C1orf21: variants seen among roughly 807,000 people sequenced by gnomAD.
C1orf21 encodes the protein chromosome 1 open reading frame 21.
In C1orf21, 3 loss-of-function variants were observed where a neutral mutation model predicts 18.7. The ratio of observed to expected loss-of-function variants is 0.16; its 90% confidence interval spans 0.07 to 0.42. The LOEUF is 0.42. Ranked by LOEUF, C1orf21 falls within the 10% of genes least tolerant of loss-of-function variation. The pLI, the probability that C1orf21 is intolerant of heterozygous loss-of-function variation, is 0.99. For missense variants in C1orf21, 104 were observed against 143.6 expected, an observed-to-expected ratio of 0.72 and a Z score of 1.41; for synonymous variants, 41 against 46.4, an observed-to-expected ratio of 0.88 and a Z score of 0.47.
chr1:184,541,603 C>T (rs1397015071), intron 3 of C1orf21, among the ~76,000 whole-genome samples: 3 of 152,272 alleles, frequency 2.0e-5, no homozygotes, highest in South Asian at 2.1e-4. Flanking sequence ...TAAATATTTA[C>T]GAAGAGATCT....
In C1orf21 at chr1:184,520,492, A is replaced by G. The variant is rs531882654; in HGVS notation, c.189+12810A>G. On this transcript the variant is annotated intron_variant, in intron 3 of 5. Transcript: ENST00000235307. ...TTGCTTCTCCTGAGTATGAGGCACA[A>G]TGAAACCTAAAGGAACAGCAGGGAA... Among the ~76,000 whole-genome samples, 11 of 152,320 alleles carry G rather than the reference A, an allele frequency of 7.2e-5. No homozygotes were observed. The South Asian group carries it at 2.3e-3, about 32-fold the overall frequency.
intron 3 of C1orf21, among the ~76,000 whole-genome samples, chr1:184,518,208 G>A (rs781682109): frequency 4.6e-5 from 7 of 152,184 alleles, no homozygotes; most frequent in Non-Finnish European, 1.0e-4. Flanking sequence ...CTCTAAGGAT[G>A]AGAGATTTAT....
intron 1 of C1orf21, among the ~76,000 whole-genome samples, chr1:184,418,252 T>C (rs1656489723): frequency 6.6e-6 from 1 of 151,976 alleles, no homozygotes; most frequent in African/African-American, 2.4e-5. Context: ...AGGGTCTTAC[T>C]CTGTCTCCCA....
chr1:184,503,458 C>G (rs1448983010), intron 2 of C1orf21, among the ~76,000 whole-genome samples: 1 of 151,966 alleles, frequency 6.6e-6, no homozygotes, highest in African/African-American at 2.4e-5. Context: ...TTAGTCTTCC[C>G]CTCAAGACAG....
chr1:184,609,199 T>C (rs567360557), intron 5 of C1orf21, among the ~76,000 whole-genome samples: 12 of 152,188 alleles, frequency 7.9e-5, no homozygotes, highest in Non-Finnish European at 1.5e-4. Context: ...TTTCTCCACA[T>C]GTGACTGGAT....
chr1:184,417,098 C>G (rs1232525444), intron 1 of C1orf21, among the ~76,000 whole-genome samples: 1 of 151,908 alleles, frequency 6.6e-6, no homozygotes, highest in Non-Finnish European at 1.5e-5. Context: ...TGTGTAAATT[C>G]CAGGTGATTT....
intron 3 of C1orf21, chr1:184,539,954 T>TGACC (rs1658621914): frequency 2.0e-5 from 3 of 152,218 alleles, no homozygotes; most frequent in Admixed American, 6.5e-5. Flanking sequence ...CACGGAGCAG[T>TGACC]GACCCTGCTG....
intron 1 of C1orf21, among the ~76,000 whole-genome samples, chr1:184,418,459 C>G (rs889290879): frequency 1.3e-5 from 2 of 152,202 alleles, no homozygotes; most frequent in Non-Finnish European, 2.9e-5. Context: ...AGCAATCTAC[C>G]TGCCTTGGCC....
rs559559534 is a variant in C1orf21 at position 184,514,056 on chromosome 1, G to A, written c.189+6374G>A. Reference sequence around the variant, plus strand: ...TCATGCCTATAATTCCAGCACTTTAGGAGGCCAAAGTGGGAGGATCACTTG... The same window carrying A: ...TCATGCCTATAATTCCAGCACTTTAAGAGGCCAAAGTGGGAGGATCACTTG... On this transcript the variant is annotated intron_variant, in intron 3 of 5. Transcript: ENST00000235307. Among the ~76,000 whole-genome samples the A allele has an allele frequency of 1.7e-4, 26 of 152,326 alleles. No homozygotes were observed. In the South Asian group the frequency reaches 5.4e-3, roughly 32 times the overall value.
chr1:184,497,469 G>A (rs1432984966), intron 2 of C1orf21, among the ~76,000 whole-genome samples: 4 of 152,220 alleles, frequency 2.6e-5, no homozygotes, highest in African/African-American at 4.8e-5. Context: ...CTGCCTCCCC[G>A]CGTGCACACA....
chr1:184,573,495 A>G (rs1659143313), intron 3 of C1orf21, among the ~76,000 whole-genome samples: 1 of 152,254 alleles, frequency 6.6e-6, no homozygotes, highest in Admixed American at 6.5e-5. Flanking sequence ...GATGATTCAG[A>G]CAATTCTGAT....
chr1:184,544,855 AT>A (rs1658706588), intron 3 of C1orf21, among the ~76,000 whole-genome samples: 2 of 152,148 alleles, frequency 1.3e-5, no homozygotes, highest in South Asian at 4.1e-4. Context: ...AAGCACACTC[AT>A]GTTTGCTGTT....
intron 3 of C1orf21, among the ~76,000 whole-genome samples, chr1:184,583,247 TTGAC>T (rs1196692357): frequency 1.3e-5 from 2 of 152,194 alleles, no homozygotes; most frequent in African/African-American, 4.8e-5. Context: ...TATAGTGAGT[TTGAC>T]TGTCTTCAGC....
Position 184,522,716 on chromosome 1 carries a change from C to T in C1orf21, c.189+15034C>T, listed in dbSNP as rs542076312. ...TGTATTTATTTTTGAGACAGAGTCTCACTCCGATTTGCCCAGGCTGGAGTG... is the reference window on the plus strand; with the variant it reads ...TGTATTTATTTTTGAGACAGAGTCTTACTCCGATTTGCCCAGGCTGGAGTG... On this transcript the variant is annotated intron_variant, in intron 3 of 5. Transcript: ENST00000235307. 1.9e-3 allele frequency among the ~76,000 whole-genome samples: 291 copies of T among 152,320 alleles called. 1 individual carries two copies. Among genetic ancestry groups the T allele is most frequent in the Admixed American group, 5.6e-3 (86 of 15,296 alleles).
intron 1 of C1orf21, among the ~76,000 whole-genome samples, chr1:184,432,965 A>G (rs1158204358): frequency 6.6e-6 from 1 of 152,232 alleles, no homozygotes; most frequent in Admixed American, 6.5e-5. Context: ...AATTTTTGAC[A>G]CCAAAATTCA....
chr1:184,583,021 T>TA (rs1032247549), intron 3 of C1orf21, among the ~76,000 whole-genome samples: 2 of 152,246 alleles, frequency 1.3e-5, no homozygotes, highest in African/African-American at 4.8e-5. Flanking sequence ...GTATTTTTAG[T>TA]AGAGGAGGGA....
chr1:184,449,234 G>A (rs985816472), intron 1 of C1orf21, among the ~76,000 whole-genome samples: 4 of 131,470 alleles, frequency 3.0e-5, no homozygotes, highest in African/African-American at 8.7e-5. Flanking sequence ...GGTGTGTGAT[G>A]TCCCCCTTCC....
At chr1:184,609,254 G>T (rs1659693196) in intron 5 of C1orf21, among the ~76,000 whole-genome samples, 1 of 152,192 alleles carries the variant, frequency 6.6e-6, no homozygotes, top group Admixed American at 6.5e-5. Flanking sequence ...TGAGGCAAGG[G>T]ACTAATGGGG....
At position 184,526,898 on chromosome 1, in the gene C1orf21, C is replaced by T. The variant is rs193115777; in HGVS notation, c.189+19216C>T. ...GGTTCTGGGTATTATAAGTAAAACC[C>T]GCAGTCCCGTCCTTAAGGGGCTCAC... On this transcript the variant is annotated intron_variant, in intron 3 of 5. Coordinates refer to ENST00000235307, the MANE Select transcript of C1orf21 (RefSeq NM_030806.4). 3.9e-3 allele frequency among the ~76,000 whole-genome samples: 586 copies of T among 152,196 alleles called. 3 individuals carry two copies. Among genetic ancestry groups the T allele is most frequent in the Non-Finnish European group, 6.9e-3 (470 of 68,010 alleles).
Sources: allele counts gnomAD v4.1 joint callset (sites outside exome capture counted in the v4.1 genomes callset), GRCh38; gene constraint gnomAD v4.1.1; transcripts MANE v1.5; gene names NCBI Gene and HGNC (gene_info 2026-07-23, HGNC 2026-07-21).